Variants in CCDC50 observed in about 807,000 individuals in gnomAD.
The protein encoded by CCDC50 is coiled-coil domain-containing protein 50.
Under a neutral mutation model 70.2 loss-of-function variants are expected in CCDC50, and 54 were observed. The ratio of observed to expected loss-of-function variants is 0.77; its 90% CI spans 0.62 to 0.96. The LOEUF is 0.96. Ranked by LOEUF, CCDC50 falls within the 50% of genes least tolerant of loss-of-function variation. The pLI is 0.00. For missense variants in CCDC50, 558 were observed against 578.7 expected (o/e 0.96, Z 0.37); for synonymous variants, 216 against 198.8 (o/e 1.09, Z -0.73).
At chr3:191,367,224 T>G (rs149862959) in intron 4 of CCDC50, among the ~76,000 whole-genome samples, 3 of 152,250 alleles carry the variant, frequency 2.0e-5, no homozygotes, top group Non-Finnish European at 4.4e-5. Context: ...GACTAGCTAA[T>G]GCATTACAAA....
rs1241527343 is a variant in CCDC50 at position 191,393,959 on chromosome 3, C to G, written c.*2199C>G. 1 of 152,062 alleles carries G rather than the reference C, an allele frequency of 6.6e-6. No homozygotes were observed. Among genetic ancestry groups the G allele is most frequent in the Non-Finnish European group, 1.5e-5 (1 of 68,004 alleles). The allele number at this position is 152,062 out of a possible 1,614,324, so 9.4% of individuals were successfully genotyped here. A position where few individuals can be genotyped will look rare whatever the true frequency, so the allele number is the denominator to read the frequency against. On this transcript the variant is annotated 3_prime_UTR_variant, in exon 12 of 12. Coordinates refer to ENST00000392455, the MANE Select transcript of CCDC50 (RefSeq NM_178335.3). Reference sequence around the variant, plus strand: ...TAAATATTTATTTTTCTATCTCATACAATGATCAGTTTTACTTTAAAAATT... The same window carrying G: ...TAAATATTTATTTTTCTATCTCATAGAATGATCAGTTTTACTTTAAAAATT...
intron 3 of CCDC50, among the ~76,000 whole-genome samples, chr3:191,360,604 A>C (rs1278626363): frequency 6.6e-6 from 1 of 152,108 alleles, no homozygotes; most frequent in African/African-American, 2.4e-5. Flanking sequence ...ATTTTTGTTT[A>C]TTTTCATTTC....
chr3:191,395,187 A>ACCCCGCTT lies in CCDC50; in HGVS notation c.*3428_*3435dup, dbSNP rs1713822987. On this transcript the variant is annotated 3_prime_UTR_variant, in exon 12 of 12. Coordinates refer to ENST00000392455, the MANE Select transcript of CCDC50 (RefSeq NM_178335.3). ...AGAAAATTCTGGACCTGATTCATTA[A>ACCCCGCTT]CCCCGCTTTTCTTCTCTAATGTGTC... 2.0e-5 allele frequency: 3 copies of ACCCCGCTT among 151,866 alleles called. No homozygotes were observed. Among genetic ancestry groups the ACCCCGCTT allele is most frequent in the Admixed American group, 2.0e-4 (3 of 15,226 alleles). The allele number at this position is 151,866 out of a possible 1,614,324, so 9.4% of individuals were successfully genotyped here. A position where few individuals can be genotyped will look rare whatever the true frequency, so the allele number is the denominator to read the frequency against.
At chr3:191,346,295 C>T (rs995468554) in intron 1 of CCDC50, among the ~76,000 whole-genome samples, 1 of 152,118 alleles carries the variant, frequency 6.6e-6, no homozygotes, top group Non-Finnish European at 1.5e-5. Context: ...TTATCAGATT[C>T]GCCTTCATGG....
intron 4 of CCDC50, among the ~76,000 whole-genome samples, chr3:191,361,724 A>G (rs1198985821): frequency 6.6e-6 from 1 of 152,224 alleles, no homozygotes; most frequent in Non-Finnish European, 1.5e-5. Flanking sequence ...AACTAATTAC[A>G]TCTGCAAAGA....
At chr3:191,383,330 A>G (rs1441019293) in intron 10 of CCDC50, among the ~76,000 whole-genome samples, 1 of 152,088 alleles carries the variant, frequency 6.6e-6, no homozygotes, top group Non-Finnish European at 1.5e-5. Flanking sequence ...TTTCTGATTT[A>G]TCTCAAACAG....
In CCDC50 at chr3:191,393,638, A is replaced by G. The variant is rs1038793988; in HGVS notation, c.*1878A>G. 1 of 152,202 alleles carries G rather than the reference A, an allele frequency of 6.6e-6. No individual in the cohort carries two copies. Among genetic ancestry groups the G allele is most frequent in the Non-Finnish European group, 1.5e-5 (1 of 68,034 alleles). The allele number at this position is 152,202 out of a possible 1,614,324, so 9.4% of individuals were successfully genotyped here. A position where few individuals can be genotyped will look rare whatever the true frequency, so the allele number is the denominator to read the frequency against. ...TGTAGTCATTTTGGAGAAATGGAGG[A>G]AAAGGAAAATAACAGGACTTTTTAT... On this transcript the variant is annotated 3_prime_UTR_variant, in exon 12 of 12. Coordinates refer to ENST00000392455, the MANE Select transcript of CCDC50 (RefSeq NM_178335.3).
intron 3 of CCDC50, among the ~76,000 whole-genome samples, chr3:191,360,491 A>G (rs760131462): frequency 1.3e-5 from 2 of 152,340 alleles, no homozygotes; most frequent in East Asian, 3.9e-4. Context: ...TTGAATGAAG[A>G]CAGAGGCTTT....
In CCDC50 at chr3:191,380,211, C is replaced by T. The variant is rs754597295; in HGVS notation, c.1029C>T (p.Ala343=). ...CTGTATCTACTCCATCACGAATGGC[C>T]CACAGGGATCAGGAATGGTATGATG... ...KEAVSTPSRM[A]HRDQEWYDAE... The change falls in exon 7 of 12, where the codon GCC becomes GCT. Residue 343 remains alanine, a synonymous_variant. Transcript: ENST00000392455. The T allele has an allele frequency of 5.0e-6, 8 of 1,612,202 alleles. No individual in the cohort carries two copies. The highest frequency in any genetic ancestry group is 1.7e-4 in the Middle Eastern group (1 of 6,060).
intron 7 of CCDC50, 71 bp from the exon 8 acceptor site, chr3:191,380,616 G>A (rs192597152): frequency 7.0e-7 from 1 of 1,434,242 alleles, no homozygotes; most frequent in South Asian, 1.2e-5. Flanking sequence ...AGCTTATTTT[G>A]TACAAGATAC....
intron 1 of CCDC50, among the ~76,000 whole-genome samples, chr3:191,338,314 A>T (rs1003950024): frequency 6.6e-6 from 1 of 152,192 alleles, no homozygotes; most frequent in African/African-American, 2.4e-5. Flanking sequence ...GTCTGTGTAA[A>T]TATCGAATAC....
intron 1 of CCDC50, among the ~76,000 whole-genome samples, chr3:191,336,095 G>A (rs1356500685): frequency 2.0e-5 from 3 of 150,550 alleles, no homozygotes; most frequent in Non-Finnish European, 2.9e-5. Flanking sequence ...GTTTTGGTGG[G>A]TGACAGTAAA....
intron 10 of CCDC50, among the ~76,000 whole-genome samples, chr3:191,384,403 TC>T (rs1471782761): frequency 1.3e-5 from 2 of 152,206 alleles, no homozygotes; most frequent in African/African-American, 4.8e-5. Context: ...ATGTATACTT[TC>T]TGGTTAGAAT....
chr3:191,360,827 G>C (rs1024903989), intron 3 of CCDC50, among the ~76,000 whole-genome samples: 3 of 152,122 alleles, frequency 2.0e-5, no homozygotes, highest in Non-Finnish European at 2.9e-5. Context: ...GTGATGATCA[G>C]ATTCCAGTTC....
chr3:191,345,026 A>G (rs950264083), intron 1 of CCDC50, among the ~76,000 whole-genome samples: 10 of 152,220 alleles, frequency 6.6e-5, no homozygotes, highest in Non-Finnish European at 1.2e-4. Flanking sequence ...GGGAATAGAA[A>G]GACAGAGCCC....
At chr3:191,381,179 G>GC in intron 9 of CCDC50, among the ~76,000 whole-genome samples, 1 of 152,126 alleles carries the variant, frequency 6.6e-6, no homozygotes, top group Non-Finnish European at 1.5e-5. Flanking sequence ...GGAGTGAAAT[G>GC]CAAGTGCTTC....
At chr3:191,384,138 A>T (rs429374) in intron 10 of CCDC50, among the ~76,000 whole-genome samples, 2 of 151,816 alleles carry the variant, frequency 1.3e-5, no homozygotes. Context: ...AATATTTGGC[A>T]TACTGAAAGA....
chr3:191,361,435 G>A (rs1382875532), intron 4 of CCDC50, among the ~76,000 whole-genome samples: 1 of 152,190 alleles, frequency 6.6e-6, no homozygotes, highest in Admixed American at 6.5e-5. Flanking sequence ...TGGCTTAACA[G>A]AAATTTATTG....
intron 1 of CCDC50, among the ~76,000 whole-genome samples, chr3:191,355,988 T>C (rs1347231627): frequency 5.3e-5 from 8 of 152,206 alleles, no homozygotes; most frequent in African/African-American, 1.9e-4. Context: ...AAGGAACGTT[T>C]TTCATTCTGT....
Sources: gnomAD v4.1 joint callset for allele counts (sites outside exome capture counted in the v4.1 genomes callset) on GRCh38, gnomAD v4.1.1 for gene constraint, MANE v1.5 for transcripts, NCBI Gene and HGNC (gene_info 2026-07-23, HGNC 2026-07-21) for gene names.